AFG2A: variants seen among roughly 807,000 people sequenced by gnomAD.
AFG2A encodes ATPase family gene 2 protein homolog A.
the AFG2A span, chr4:123,317,685 G>A: frequency 6.6e-6 from 1 of 152,112 alleles, no homozygotes; most frequent in Non-Finnish European, 1.5e-5. Context: ...TAAGAACCCG[G>A]AAACAATCTA....
At chr4:123,108,528 A>C in the AFG2A span, among the ~76,000 whole-genome samples, 1 of 152,186 alleles carries the variant, frequency 6.6e-6, no homozygotes. Context: ...ATGGCCTAAA[A>C]GTTACATGTT....
chr4:122,959,446 G>A, the AFG2A span, among the ~76,000 whole-genome samples: 1 of 152,214 alleles, frequency 6.6e-6, no homozygotes, highest in Non-Finnish European at 1.5e-5. Flanking sequence ...ATACAAGTAA[G>A]AGTACAGACA....
chr4:123,059,595 A>G, the AFG2A span, among the ~76,000 whole-genome samples: 1 of 151,570 alleles, frequency 6.6e-6, no homozygotes, highest in Non-Finnish European at 1.5e-5. Flanking sequence ...GCTATTGTGA[A>G]TAGTGCCACA....
the AFG2A span, among the ~76,000 whole-genome samples, chr4:123,288,203 A>G: frequency 2.6e-5 from 4 of 152,220 alleles, no homozygotes; most frequent in African/African-American, 9.6e-5. Flanking sequence ...GGAAGAGAGG[A>G]AATAGAAAAT....
the AFG2A span, among the ~76,000 whole-genome samples, chr4:123,003,828 G>C: frequency 1.3e-5 from 2 of 152,130 alleles, no homozygotes; most frequent in Non-Finnish European, 1.5e-5. Flanking sequence ...AACCACTGCT[G>C]TCCTGAAAGC....
chr4:123,174,329 T>G, the AFG2A span, among the ~76,000 whole-genome samples: 3 of 152,168 alleles, frequency 2.0e-5, no homozygotes, highest in African/African-American at 7.2e-5. Flanking sequence ...AAATGAAAAC[T>G]TGGTTAAATG....
At chr4:122,991,735 C>T in the AFG2A span, among the ~76,000 whole-genome samples, 1 of 152,098 alleles carries the variant, frequency 6.6e-6, no homozygotes, top group Admixed American at 6.5e-5. Flanking sequence ...CTTTTTGAGA[C>T]ATTTTCAAAT....
At chr4:123,035,749 A>G in the AFG2A span, among the ~76,000 whole-genome samples, 1 of 152,134 alleles carries the variant, frequency 6.6e-6, no homozygotes, top group Non-Finnish European at 1.5e-5. Flanking sequence ...TGATGTGAAA[A>G]TATTCCATAA....
chr4:123,158,497 T>A, the AFG2A span, among the ~76,000 whole-genome samples: 5 of 152,180 alleles, frequency 3.3e-5, no homozygotes, highest in Admixed American at 2.6e-4. Context: ...ATAACAATAG[T>A]AGAGATGAAT....
chr4:122,945,984 T>C, the AFG2A span, among the ~76,000 whole-genome samples: 1 of 151,540 alleles, frequency 6.6e-6, no homozygotes, highest in African/African-American at 2.5e-5. Context: ...TAGGAGTGAT[T>C]TTCATGTCCC....
the AFG2A span, among the ~76,000 whole-genome samples, chr4:123,139,972 A>G: frequency 6.6e-6 from 1 of 152,068 alleles, no homozygotes; most frequent in South Asian, 2.1e-4. Context: ...GTATTCAAGC[A>G]GCCCTCAGGA....
chr4:122,940,647 T>C, the AFG2A span, among the ~76,000 whole-genome samples: 3 of 152,216 alleles, frequency 2.0e-5, no homozygotes. Context: ...TTAGATCCCA[T>C]TTGTCAATTT....
the AFG2A span, among the ~76,000 whole-genome samples, chr4:123,101,861 G>A: frequency 1.5e-4 from 23 of 151,868 alleles, no homozygotes; most frequent in Non-Finnish European, 2.7e-4. Context: ...AGTGTGATAG[G>A]AAAGCTCAAA....
At chr4:122,974,647 CTT>C in the AFG2A span, among the ~76,000 whole-genome samples, 1 of 149,142 alleles carries the variant, frequency 6.7e-6, no homozygotes, top group African/African-American at 2.5e-5. Flanking sequence ...GTGGAAAACT[CTT>C]TTTTTTTTGA....
At chr4:123,245,291 G>T in the AFG2A span, among the ~76,000 whole-genome samples, 1 of 152,090 alleles carries the variant, frequency 6.6e-6, no homozygotes, top group Admixed American at 6.6e-5. Context: ...GAACCCATGG[G>T]TTTATATATT....
At chr4:123,058,699 C>T in the AFG2A span, among the ~76,000 whole-genome samples, 30 of 151,802 alleles carry the variant, frequency 2.0e-4, no homozygotes, top group Admixed American at 6.6e-4. Flanking sequence ...TGGGGGAAAC[C>T]ACCCCCATGA....
the AFG2A span, among the ~76,000 whole-genome samples, chr4:123,218,368 T>G: frequency 1.2e-3 from 188 of 152,224 alleles, 2 homozygotes; most frequent in Non-Finnish European, 8.4e-4. Context: ...TTTGTTAGAG[T>G]GTTTTGTTTG....
chr4:123,112,157 T>C, the AFG2A span, among the ~76,000 whole-genome samples: 1 of 152,196 alleles, frequency 6.6e-6, no homozygotes, highest in Non-Finnish European at 1.5e-5. Context: ...CCAAAATCTT[T>C]TAGAGTCTCC....
At chr4:123,245,928 G>A in the AFG2A span, among the ~76,000 whole-genome samples, 4 of 152,312 alleles carry the variant, frequency 2.6e-5, no homozygotes, top group South Asian at 8.3e-4. Context: ...CTGTGGGACT[G>A]AACTGCTCTG....
Sources: gnomAD v4.1 joint callset for allele counts (sites outside exome capture counted in the v4.1 genomes callset) on GRCh38, gnomAD v4.1.1 for gene constraint, MANE v1.5 for transcripts, NCBI Gene and HGNC (gene_info 2026-07-23, HGNC 2026-07-21) for gene names.